Variants in SCN7A observed in about 807,000 individuals in gnomAD.
SCN7A encodes the protein sodium voltage-gated channel alpha subunit 7.
In SCN7A, 138 loss-of-function variants were observed where a neutral mutation model predicts 155.2. The ratio of observed to expected loss-of-function variants is 0.89; its 90% CI spans 0.77 to 1.02. The LOEUF (loss-of-function observed/expected upper bound fraction) is 1.02, where lower values mean the gene tolerates loss of function less well. SCN7A is among the 50% of genes least tolerant of loss of function. SCN7A has a pLI of 0.00. For synonymous variants in SCN7A, 693 were observed against 649.0 expected, an observed-to-expected ratio of 1.07 and a Z score of -1.03; for missense variants, 2,058 against 1,986.6, an observed-to-expected ratio of 1.04 and a Z score of -0.68.
chr2:166,414,199 AT>A (rs1390686080), intron 21 of SCN7A, among the ~76,000 whole-genome samples: 7 of 96,814 alleles, frequency 7.2e-5, no homozygotes, highest in Non-Finnish European at 9.6e-5. Context: ...TATATAATAT[AT>A]TATATATATG....
chr2:166,457,194 T>A (rs1023934500), intron 10 of SCN7A, 118 bp from the exon 11 acceptor site: 28 of 723,716 alleles, frequency 3.9e-5, no homozygotes, highest in Non-Finnish European at 6.2e-5. Flanking sequence ...ATAAATGGAA[T>A]GTAATCATAA....
chr2:166,470,606 A>G lies in SCN7A; in HGVS notation c.664+9T>C. ...AAATGAAGAAAAGACATTCAATGCA[A>G]TTTCTTACCTTGATTTAAAGGAATA... On this transcript the variant is annotated intron_variant, in intron 7 of 25. Coordinates refer to ENST00000643258, the MANE Select transcript of SCN7A (RefSeq NM_002976.4). 1 of 1,592,684 alleles carries G rather than the reference A, an allele frequency of 6.3e-7. No homozygotes were observed. The highest frequency in any genetic ancestry group is 8.6e-7 in the Non-Finnish European group (1 of 1,167,146).
chr2:166,488,543 G>A (rs1703102286), intron 1 of SCN7A, among the ~76,000 whole-genome samples: 1 of 152,018 alleles, frequency 6.6e-6, no homozygotes, highest in South Asian at 2.1e-4. Context: ...TTTACAGGCT[G>A]GGATATGGAG....
At chr2:166,421,388 T>C (rs746425626) in intron 19 of SCN7A, 91 bp from the exon 20 acceptor site, 70 of 621,528 alleles carry the variant, frequency 1.1e-4, no homozygotes, top group Non-Finnish European at 1.5e-4. Flanking sequence ...ACAACAGATA[T>C]ATACAATAAA....
intron 2 of SCN7A, among the ~76,000 whole-genome samples, chr2:166,485,734 C>G (rs1703032544): frequency 6.6e-6 from 1 of 152,120 alleles, no homozygotes; most frequent in Non-Finnish European, 1.5e-5. Flanking sequence ...GTGGTCGAGC[C>G]CCACATTCTA....
At chr2:166,485,130 T>G (rs1282727540) in intron 2 of SCN7A, among the ~76,000 whole-genome samples, 1 of 152,128 alleles carries the variant, frequency 6.6e-6, no homozygotes, top group African/African-American at 2.4e-5. Context: ...GAAAGAAGTC[T>G]GACATGAAAG....
In SCN7A at chr2:166,450,488, T is replaced by A. The variant is rs149441310; in HGVS notation, c.1291-2780A>T. ...AAAGTTGAGAAAAAGAAAAGAAATT[T>A]AAAAAAAAAGTAATCTAAAAGTTCA... On this transcript the variant is annotated intron_variant, in intron 11 of 25. Transcript: ENST00000643258. Among the ~76,000 whole-genome samples the A allele has an allele frequency of 4.7e-3, 704 of 151,226 alleles. 10 individuals are homozygous for A. Among genetic ancestry groups the A allele is most frequent in the African/African-American group, 0.016 (651 of 41,190 alleles).
chr2:166,486,771 C>G (rs1703060434), intron 2 of SCN7A, 85 bp downstream of exon 2: 1 of 152,220 alleles, frequency 6.6e-6, no homozygotes, highest in African/African-American at 2.4e-5. Context: ...GCAGACACAT[C>G]ATTACATTTT....
chr2:166,425,031 G>C (rs549697098), intron 18 of SCN7A, among the ~76,000 whole-genome samples: 2 of 152,220 alleles, frequency 1.3e-5, no homozygotes, highest in African/African-American at 4.8e-5. Context: ...CTCCTAGAGG[G>C]ACCCAGCACA....
At chr2:166,426,861 C>A (rs1474367823) in intron 18 of SCN7A, among the ~76,000 whole-genome samples, 1 of 151,946 alleles carries the variant, frequency 6.6e-6, no homozygotes, top group African/African-American at 2.4e-5. Flanking sequence ...GTAAATAACA[C>A]AAAATTTATT....
intron 17 of SCN7A, among the ~76,000 whole-genome samples, chr2:166,428,445 T>C (rs909608232): frequency 5.9e-5 from 9 of 151,942 alleles, no homozygotes; most frequent in African/African-American, 2.2e-4. Flanking sequence ...GGCATGAAAA[T>C]GGGAATTTTT....
intron 1 of SCN7A, among the ~76,000 whole-genome samples, chr2:166,487,640 C>CA (rs1471066785): frequency 6.6e-6 from 1 of 152,042 alleles, no homozygotes; most frequent in Non-Finnish European, 1.5e-5. Flanking sequence ...CTAGGGGAGA[C>CA]AAAACAAATG....
At position 166,405,312 on chromosome 2, in the gene SCN7A, A is replaced by C; in HGVS notation, c.*268T>G. 2.7e-6 allele frequency: 1 copy of C among 364,678 alleles called. No individual in the cohort carries two copies. Among genetic ancestry groups the C allele is most frequent in the Non-Finnish European group, 4.9e-6 (1 of 205,872 alleles). The allele number at this position is 364,678 out of a possible 1,614,324, so 22.6% of individuals were successfully genotyped here. A position where few individuals can be genotyped will look rare whatever the true frequency, so the allele number is the denominator to read the frequency against. On this transcript the variant is annotated 3_prime_UTR_variant, in exon 26 of 26. Coordinates refer to ENST00000643258, the MANE Select transcript of SCN7A (RefSeq NM_002976.4). Reference sequence around the variant, plus strand: ...CTTCATTCCCTAGAAGGCACACATCATATAAGCCATGTAGAGAAAACAAAT... The same window carrying C: ...CTTCATTCCCTAGAAGGCACACATCCTATAAGCCATGTAGAGAAAACAAAT...
In SCN7A at chr2:166,405,937, G is replaced by A; in HGVS notation, c.4692C>T (p.Leu1564=). Residue 1564 remains leucine, a synonymous_variant, in exon 26 of 26, where the codon CTC becomes CTT. Coordinates refer to ENST00000643258, the MANE Select transcript of SCN7A (RefSeq NM_002976.4). ...PNKGQLIALD[L]PMAVGDRIHC... is the part of the protein sequence containing the mutation. ...GAATTCTGTCCCCAACAGCCATGGG[G>A]AGGTCCAAAGCAATGAGCTGGCCCT... is the stretch of plus-strand genomic sequence containing the variant. 1 of 1,613,098 alleles carries A rather than the reference G, an allele frequency of 6.2e-7. No individual in the cohort carries two copies. The highest frequency in any genetic ancestry group is 8.5e-7 in the Non-Finnish European group (1 of 1,179,404).
At position 166,474,361 on chromosome 2, in the gene SCN7A, G is replaced by A. The variant is rs528410849; in HGVS notation, c.235-17C>T. 6.9e-5 allele frequency: 83 copies of A among 1,210,216 alleles called. 1 individual carries two copies. The South Asian group carries it at 1.0e-3, about 15-fold the overall frequency. The allele number at this position is 1,210,216 out of a possible 1,614,324, so 75.0% of individuals were successfully genotyped here. A position where few individuals can be genotyped will look rare whatever the true frequency, so the allele number is the denominator to read the frequency against. ...TATGAAAGTCTGTAAGAAGAAAAGC[G>A]ATCAAGTGAAATTAGAACTCAGAAC... is the stretch of plus-strand genomic sequence containing the variant. On this transcript the variant is annotated splice_polypyrimidine_tract_variant and intron_variant, in intron 3 of 25. Transcript: ENST00000643258.
At chr2:166,413,992 TATATATATATAA>T (rs1468016836) in intron 21 of SCN7A, among the ~76,000 whole-genome samples, 3 of 100,784 alleles carry the variant, frequency 3.0e-5, no homozygotes, top group East Asian at 4.8e-4. Flanking sequence ...TATATATATA[TATATATATATAA>T]ATATACTATA....
chr2:166,412,461 G>T (rs1559086633), intron 23 of SCN7A, 69 bp downstream of exon 23: 1 of 1,290,354 alleles, frequency 7.7e-7, no homozygotes, highest in Admixed American at 4.1e-5. Context: ...TTGAAGCAGG[G>T]CATTTATATA....
At chr2:166,412,227 T>C (rs1157503633) in intron 23 of SCN7A, among the ~76,000 whole-genome samples, 2 of 152,118 alleles carry the variant, frequency 1.3e-5, no homozygotes, top group African/African-American at 2.4e-5. Flanking sequence ...TTTGTGAAGA[T>C]AGAAAATTTT....
chr2:166,407,919 T>G (rs1701110613), intron 25 of SCN7A, among the ~76,000 whole-genome samples: 1 of 151,928 alleles, frequency 6.6e-6, no homozygotes, highest in South Asian at 2.1e-4. Flanking sequence ...CCCCTTTCTG[T>G]GTCCATGTGT....
Sources: gnomAD v4.1 joint callset for allele counts (sites outside exome capture counted in the v4.1 genomes callset) on GRCh38, gnomAD v4.1.1 for gene constraint, MANE v1.5 for transcripts, NCBI Gene and HGNC (gene_info 2026-07-23, HGNC 2026-07-21) for gene names.